ZDHHC11: variants seen among roughly 807,000 people sequenced by gnomAD.
The protein encoded by ZDHHC11 is palmitoyltransferase ZDHHC11.
In ZDHHC11, 44 loss-of-function variants were observed where a neutral mutation model predicts 51.3. The observed-to-expected ratio is 0.86, with a 90% CI of 0.67 to 1.10. The LOEUF (loss-of-function observed/expected upper bound fraction) is 1.10. Ranked by LOEUF, ZDHHC11 falls within the 50% of genes least tolerant of loss-of-function variation. The pLI is 0.00. For missense variants in ZDHHC11, 400 were observed against 537.7 expected (o/e 0.74, Z 2.53); for synonymous variants, 163 against 222.0 (o/e 0.73, Z 2.36).
chr5:814,430 A>T (rs1406321291), intron 11 of ZDHHC11, among the ~76,000 whole-genome samples: 1 of 151,332 alleles, frequency 6.6e-6, no homozygotes, highest in African/African-American at 2.4e-5. Context: ...AAATGACAAG[A>T]TCTGACTCTC....
rs981340797 is a variant in ZDHHC11, at chr5:850,606, C to T, written c.-4G>A. The T allele has an allele frequency of 3.1e-6, 5 of 1,612,970 alleles. No individual in the cohort carries two copies. The Admixed American group carries it at 8.3e-5, about 27-fold the overall frequency. The stretch of plus-strand genomic sequence containing the variant: ...GGCTCCCGGAGCGGGTGTCCATCTG[C>T]AGGACACAGAAGGGGAGGACCTGCG... On this transcript the variant is annotated 5_prime_UTR_variant, in exon 1 of 13. Coordinates refer to ENST00000283441, the MANE Select transcript of ZDHHC11 (RefSeq NM_024786.3).
At chr5:857,389 A>C (rs935516250) in intron 1 of ZDHHC11, among the ~76,000 whole-genome samples, 5 of 152,176 alleles carry the variant, frequency 3.3e-5, no homozygotes, top group African/African-American at 9.7e-5. Context: ...CACAGACCCC[A>C]GAGACCACAG....
chr5:850,554 G>A lies in ZDHHC11; in HGVS notation c.49C>T (p.Leu17Phe). The A allele has an allele frequency of 2.5e-6, 4 of 1,613,704 alleles. No homozygotes were observed. The highest frequency in any genetic ancestry group is 2.5e-6 in the Non-Finnish European group (3 of 1,180,028). Residue 17 changes from leucine to phenylalanine, a missense_variant, in exon 1 of 13, where the codon CTC becomes TTC. Leu to Phe is a conservative substitution (Grantham distance 22). Around this residue, in one of 5 missense-constraint regions of ZDHHC11, gnomAD observed 119 missense variants for 99.6 expected, o/e 1.20. Transcript: ENST00000283441. ...GGCAAGACCAGCTTTTCATTATTGA[G>A]TATGGCTTCTGGGGTGACGGAACAC... ...SQCSVTPEAI[L>F]NNEKLVLPPR...
In ZDHHC11 at chr5:850,924, T is replaced by C; in HGVS notation, c.-322A>G. On this transcript the variant is annotated 5_prime_UTR_variant, in exon 1 of 13. Coordinates refer to ENST00000283441, the MANE Select transcript of ZDHHC11 (RefSeq NM_024786.3). The stretch of plus-strand genomic sequence containing the variant: ...ACCGCCCATCAGTTCCCCTGAGGAT[T>C]TGTTACGTTCTGGGGAGTGCTCGAC... 2.3e-6 allele frequency: 1 copy of C among 439,386 alleles called. No individual in the cohort carries two copies. The highest frequency in any genetic ancestry group is 4.0e-6 in the Non-Finnish European group (1 of 251,632). The allele number at this position is 439,386 out of a possible 1,614,324, so 27.2% of individuals were successfully genotyped here.
At chr5:829,788 C>G (rs1286475267) in intron 7 of ZDHHC11, among the ~76,000 whole-genome samples, 1 of 151,430 alleles carries the variant, frequency 6.6e-6, no homozygotes, top group Non-Finnish European at 1.5e-5. Context: ...AAGATAATAA[C>G]ACCATGGTCA....
At chr5:844,871 A>G (rs538718476) in intron 3 of ZDHHC11, among the ~76,000 whole-genome samples, 155 of 152,392 alleles carry the variant, frequency 1.0e-3, no homozygotes, top group African/African-American at 3.7e-3. Flanking sequence ...ATCCACAAAA[A>G]CCAATTCTGG....
chr5:827,991 A>C (rs571059628), intron 7 of ZDHHC11, among the ~76,000 whole-genome samples: 3 of 151,218 alleles, frequency 2.0e-5, no homozygotes, highest in Non-Finnish European at 4.4e-5. Context: ...CACATCTTGC[A>C]CCGCCCTTAA....
In ZDHHC11 at chr5:809,015, GCA is replaced by G. The variant is rs768877533; in HGVS notation, c.1181+5744_1181+5745del. Among the ~76,000 whole-genome samples, 473 of 82,792 alleles carry G rather than the reference GCA, an allele frequency of 5.7e-3. 20 individuals are homozygous for G. Among genetic ancestry groups the G allele is most frequent in the Non-Finnish European group, 7.1e-3 (333 of 46,718 alleles). 54.3% of individuals were successfully genotyped at this position (82,792 alleles called of 152,430 possible). A position where few individuals can be genotyped will look rare whatever the true frequency, so the allele number is the denominator to read the frequency against. Reference sequence around the variant, plus strand: ...CACACACACACACACACACACACACGCACACTATTTATTCCCCACCTGTCTCC... The same window carrying G: ...CACACACACACACACACACACACACGCACTATTTATTCCCCACCTGTCTCC... On this transcript the variant is annotated intron_variant, in intron 11 of 12. Coordinates refer to ENST00000283441, the MANE Select transcript of ZDHHC11 (RefSeq NM_024786.3).
At chr5:797,075 T>C (rs446558) in intron 12 of ZDHHC11, among the ~76,000 whole-genome samples, 30,987 of 143,612 alleles carry the variant, frequency 0.22, 3,646 homozygotes, top group African/African-American at 0.4. Context: ...GGTGTGGTGG[T>C]GGGCAACTGT....
intron 3 of ZDHHC11, among the ~76,000 whole-genome samples, chr5:844,471 G>A (rs1289389560): frequency 1.3e-3 from 195 of 152,298 alleles, no homozygotes; most frequent in African/African-American, 1.6e-3. Context: ...GCCTCTGCCC[G>A]CACCTCCCGA....
At position 840,209 on chromosome 5, in the gene ZDHHC11, C is replaced by T. The variant is rs766489812; in HGVS notation, c.784+286G>A. 9.8e-5 allele frequency: 68 copies of T among 696,884 alleles called. 3 individuals carry two copies. Among genetic ancestry groups the T allele is most frequent in the Non-Finnish European group, 1.5e-4 (59 of 382,480 alleles). 43.2% of individuals were successfully genotyped at this position (696,884 alleles called of 1,614,324 possible). A position where few individuals can be genotyped will look rare whatever the true frequency, so the allele number is the denominator to read the frequency against. On this transcript the variant is annotated intron_variant, in intron 5 of 12. Coordinates refer to ENST00000283441, the MANE Select transcript of ZDHHC11 (RefSeq NM_024786.3). ...GTCTCTGAACATTTTAAACTTGTTA[C>T]TTCAAGCACCTGGCACCACTCCTGC...
chr5:858,501 T>C (rs1385682482), intron 1 of ZDHHC11, among the ~76,000 whole-genome samples: 1 of 152,170 alleles, frequency 6.6e-6, no homozygotes, highest in Non-Finnish European at 1.5e-5. Context: ...TCTTCATCCC[T>C]GTCCTTCCTT....
intron 11 of ZDHHC11, among the ~76,000 whole-genome samples, chr5:803,934 A>T (rs1329635032): frequency 6.7e-6 from 1 of 150,258 alleles, no homozygotes; most frequent in East Asian, 1.9e-4. Context: ...AGACAATCGA[A>T]ATTATCCAGT....
intron 9 of ZDHHC11, 150 bp from the exon 10 acceptor site, chr5:819,762 G>C: frequency 1.3e-6 from 1 of 748,452 alleles, no homozygotes; most frequent in Non-Finnish European, 2.3e-6. Flanking sequence ...GGGAGGTTGT[G>C]TGAGTGCTCC....
At chr5:816,704 T>C in intron 10 of ZDHHC11, 1 of 588,586 alleles carries the variant, frequency 1.7e-6, no homozygotes, top group Non-Finnish European at 3.3e-6. Flanking sequence ...ATGGGAATTC[T>C]GACTATTTAG....
chr5:816,605 A>G (rs532697738), intron 10 of ZDHHC11: 17 of 628,664 alleles, frequency 2.7e-5, no homozygotes, highest in South Asian at 1.9e-4. Context: ...CACCATCTGT[A>G]CAATCTCCTG....
chr5:839,096 A>G (rs534037623), intron 5 of ZDHHC11, among the ~76,000 whole-genome samples: 95 of 124,260 alleles, frequency 7.6e-4, no homozygotes, highest in Non-Finnish European at 1.4e-3. Flanking sequence ...AGGAGAGATG[A>G]TGAATTCTGG....
At chr5:824,120 C>A (rs1303689612) in intron 8 of ZDHHC11, 3 of 453,374 alleles carry the variant, frequency 6.6e-6, no homozygotes, top group African/African-American at 6.0e-5. Flanking sequence ...GGAGAACACA[C>A]CTGTAACCTC....
chr5:841,505 CCTTA>C (rs1744956933), intron 4 of ZDHHC11: 1 of 993,494 alleles, frequency 1.0e-6, no homozygotes, highest in South Asian at 4.3e-5. Flanking sequence ...CCCATCCCTT[CCTTA>C]TTTAGTGCCA....
Sources: gnomAD v4.1 joint callset for allele counts (sites outside exome capture counted in the v4.1 genomes callset) on GRCh38, gnomAD v4.1.1 for gene constraint, gnomAD v4.1.1 regional missense constraint, MANE v1.5 for transcripts, NCBI Gene and HGNC (gene_info 2026-07-23, HGNC 2026-07-21) for gene names.